The following LPAR1 variants were observed in gnomAD, a reference collection of about 807,000 sequenced individuals.
LPAR1 encodes LPA receptor 1.
A neutral mutation model predicts 23.8 loss-of-function variants in LPAR1; 5 were observed. The ratio of observed to expected loss-of-function variants is 0.21; its 90% CI spans 0.11 to 0.44. The LOEUF (loss-of-function observed/expected upper bound fraction) is 0.44. Among genes scored for constraint, LPAR1 ranks in the 20% least tolerant of loss-of-function variants. LPAR1 has a pLI of 0.99. For synonymous variants in LPAR1, 160 were observed against 164.7 expected (o/e 0.97, Z 0.22); for missense variants, 311 against 482.8 (o/e 0.64, Z 3.33).
intron 2 of LPAR1, among the ~76,000 whole-genome samples, chr9:110,995,710 T>C (rs1427382122): frequency 1.3e-5 from 2 of 152,180 alleles, no homozygotes; most frequent in Non-Finnish European, 2.9e-5. Flanking sequence ...ATTCTATGAA[T>C]AGCATCTCAA....
At chr9:111,027,051 T>C (rs116241492) in intron 2 of LPAR1, among the ~76,000 whole-genome samples, 2 of 152,208 alleles carry the variant, frequency 1.3e-5, no homozygotes, top group South Asian at 2.1e-4. Context: ...TAAAATGGAC[T>C]AGGGAGGAGT....
In LPAR1 at chr9:110,987,191, GATA is replaced by G. The variant is rs200248073; in HGVS notation, c.-181-13636_-181-13634del. Reference sequence around the variant, plus strand: ...CTTAATGCAATATCATGTATGATAGGATAATTTTAGGAACAATGTAAGCATCCA... The same window carrying G: ...CTTAATGCAATATCATGTATGATAGGATTTTAGGAACAATGTAAGCATCCA... On this transcript the variant is annotated intron_variant, in intron 2 of 5. Coordinates refer to ENST00000683809, the MANE Select transcript of LPAR1 (RefSeq NM_001351411.2). 9.8e-3 allele frequency among the ~76,000 whole-genome samples: 1,496 copies of G among 152,116 alleles called. 26 individuals are homozygous for G. The highest frequency in any genetic ancestry group is 0.034 in the African/African-American group (1,399 of 41,516).
chr9:110,918,985 C>T (rs1336319821), intron 5 of LPAR1, among the ~76,000 whole-genome samples: 1 of 152,132 alleles, frequency 6.6e-6, no homozygotes, highest in African/African-American at 2.4e-5. Context: ...CCCCCTTCCC[C>T]TGGTGTGTGA....
intron 5 of LPAR1, among the ~76,000 whole-genome samples, chr9:110,908,970 AG>A (rs1316007871): frequency 3.9e-5 from 6 of 152,144 alleles, no homozygotes; most frequent in Non-Finnish European, 8.8e-5. Flanking sequence ...ATTTTATCTG[AG>A]TTCCTTTCTT....
At chr9:110,918,866 A>G (rs2093403206) in intron 5 of LPAR1, among the ~76,000 whole-genome samples, 1 of 152,062 alleles carries the variant, frequency 6.6e-6, no homozygotes, top group Non-Finnish European at 1.5e-5. Flanking sequence ...TTCCTTTAAA[A>G]CAGCATTTTT....
rs555080628 is a variant in LPAR1 at position 110,899,815 on chromosome 9, G to C, written c.794-24093C>G. Among the ~76,000 whole-genome samples the C allele has an allele frequency of 2.0e-5, 3 of 152,272 alleles. No individual in the cohort carries two copies. In the South Asian group the frequency reaches 6.2e-4, roughly 32 times the overall value. On this transcript the variant is annotated intron_variant, in intron 5 of 5. Transcript: ENST00000683809. ...GCTCAGAATTTCTCTATTTTGGCTA[G>C]ATGATTCTTTCTTGTGGGACTGGTC... is the stretch of plus-strand genomic sequence containing the variant.
intron 5 of LPAR1, among the ~76,000 whole-genome samples, chr9:110,918,307 T>G (rs1013175906): frequency 2.0e-5 from 3 of 152,178 alleles, no homozygotes; most frequent in Non-Finnish European, 4.4e-5. Flanking sequence ...AGACTGCTAT[T>G]GGACATAAGA....
In LPAR1 at chr9:110,874,523, G is replaced by A. The variant is rs2078714349; in HGVS notation, c.*898C>T. On this transcript the variant is annotated 3_prime_UTR_variant, in exon 6 of 6. Transcript: ENST00000683809. Reference sequence around the variant, plus strand: ...TTTTATACATTTCTGCATTTTTCAAGTTTTCTATGATGAGTATATTATTTT... The same window carrying A: ...TTTTATACATTTCTGCATTTTTCAAATTTTCTATGATGAGTATATTATTTT... 6.6e-6 allele frequency: 1 copy of A among 152,444 alleles called. No homozygotes were observed. Among genetic ancestry groups the A allele is most frequent in the Non-Finnish European group, 1.5e-5 (1 of 67,984 alleles). The allele number at this position is 152,444 out of a possible 1,614,324, so 9.4% of individuals were successfully genotyped here.
intron 5 of LPAR1, among the ~76,000 whole-genome samples, chr9:110,895,116 T>G (rs1463289344): frequency 6.6e-6 from 1 of 152,264 alleles, no homozygotes; most frequent in Non-Finnish European, 1.5e-5. Context: ...GAGTCAAGTT[T>G]AAAAGTTTAA....
intron 5 of LPAR1, among the ~76,000 whole-genome samples, chr9:110,928,619 C>T (rs1009918040): frequency 2.6e-5 from 4 of 152,232 alleles, no homozygotes; most frequent in Admixed American, 2.0e-4. Flanking sequence ...TACATATACA[C>T]ACACACACCT....
chr9:110,875,729 G>A lies in LPAR1; in HGVS notation c.794-7C>T, dbSNP rs377562103. On this transcript the variant is annotated splice_region_variant and splice_polypyrimidine_tract_variant and intron_variant, in intron 5 of 5. Coordinates refer to ENST00000683809, the MANE Select transcript of LPAR1 (RefSeq NM_001351411.2). ...CAGCAGATGATAAAGGCCCCTACAAGGACAAGGATAGGGATCAGAAGGATT... is the reference window on the plus strand; with the variant it reads ...CAGCAGATGATAAAGGCCCCTACAAAGACAAGGATAGGGATCAGAAGGATT... The A allele has an allele frequency of 1.9e-6, 3 of 1,551,226 alleles. No homozygotes were observed. The highest frequency in any genetic ancestry group is 1.8e-6 in the Non-Finnish European group (2 of 1,141,702).
rs1588503483 is a variant in LPAR1 at position 110,952,483 on chromosome 9, A to T, written c.46-10315T>A. On this transcript the variant is annotated intron_variant, in intron 4 of 5. Transcript: ENST00000683809. ...ACTGCATCTACCCAAGGGGCCCAAGACCCTCCTCTCTCCACATATCTGAAG... is the reference window on the plus strand; with the variant it reads ...ACTGCATCTACCCAAGGGGCCCAAGTCCCTCCTCTCTCCACATATCTGAAG... 3.3e-5 allele frequency among the ~76,000 whole-genome samples: 5 copies of T among 151,552 alleles called. No homozygotes were observed. In the South Asian group the frequency reaches 1.0e-3, roughly 32 times the overall value.
intron 2 of LPAR1, among the ~76,000 whole-genome samples, chr9:110,989,906 C>A (rs114111582): frequency 4.0e-5 from 6 of 151,688 alleles, no homozygotes; most frequent in Non-Finnish European, 8.8e-5. Flanking sequence ...GATAAAAAAA[C>A]GAAATACCCA....
intron 5 of LPAR1, among the ~76,000 whole-genome samples, chr9:110,923,032 C>T (rs2093747779): frequency 6.6e-6 from 1 of 151,856 alleles, no homozygotes; most frequent in South Asian, 2.1e-4. Context: ...ATATTCTCCT[C>T]TCTGTGTCCA....
At chr9:110,956,974 A>C (rs1007327553) in intron 4 of LPAR1, among the ~76,000 whole-genome samples, 9 of 152,224 alleles carry the variant, frequency 5.9e-5, no homozygotes, top group Non-Finnish European at 1.3e-4. Flanking sequence ...AAAAGGATGC[A>C]ACACAAAAAG....
In LPAR1 at chr9:110,972,213, C is replaced by A. The variant is rs1481172894; in HGVS notation, c.-96G>T. 4 of 1,074,364 alleles carry A rather than the reference C, an allele frequency of 3.7e-6. No individual in the cohort carries two copies. The highest frequency in any genetic ancestry group is 2.4e-5 in the East Asian group (1 of 41,950). The allele number at this position is 1,074,364 out of a possible 1,614,324, so 66.6% of individuals were successfully genotyped here. A position where few individuals can be genotyped will look rare whatever the true frequency, so the allele number is the denominator to read the frequency against. ...CAGATCGAAGTCATGCTAGGAGAAG[C>A]TGTGTACCTGGAAAACAACAGGAAA... On this transcript the variant is annotated 5_prime_UTR_variant, in exon 4 of 6. Coordinates refer to ENST00000683809, the MANE Select transcript of LPAR1 (RefSeq NM_001351411.2).
chr9:111,023,418 C>T (rs1433740231), intron 2 of LPAR1, among the ~76,000 whole-genome samples: 1 of 152,214 alleles, frequency 6.6e-6, no homozygotes, highest in Non-Finnish European at 1.5e-5. Context: ...CCAGGGAAAT[C>T]CTGAATCACC....
chr9:110,979,509 A>G (rs902882878), intron 2 of LPAR1, among the ~76,000 whole-genome samples: 4 of 152,130 alleles, frequency 2.6e-5, no homozygotes, highest in African/African-American at 7.2e-5. Context: ...CTACCTGCCC[A>G]TTTCATTTGA....
intron 4 of LPAR1, among the ~76,000 whole-genome samples, chr9:110,954,416 C>T (rs574716329): frequency 6.6e-6 from 1 of 152,116 alleles, no homozygotes; most frequent in African/African-American, 2.4e-5. Flanking sequence ...AAAATAACAG[C>T]TGAAAATTTC....
Sources: gnomAD v4.1 joint callset for allele counts (sites outside exome capture counted in the v4.1 genomes callset) on GRCh38, gnomAD v4.1.1 for gene constraint, MANE v1.5 for transcripts, NCBI Gene and HGNC (gene_info 2026-07-23, HGNC 2026-07-21) for gene names.